Variants in ASB3 observed in about 807,000 individuals in gnomAD.
ASB3 encodes ankyrin repeat and SOCS box protein 3.
ASB3 carries 41 observed loss-of-function variants against 54.5 expected under a neutral mutation model. The observed-to-expected ratio is 0.75, with a 90% CI of 0.59 to 0.98. The LOEUF (loss-of-function observed/expected upper bound fraction) is 0.98. Among genes scored for constraint, ASB3 ranks in the 50% least tolerant of loss-of-function variants. ASB3 has a pLI of 0.00. For missense variants in ASB3, 733 were observed against 620.0 expected (o/e 1.18, Z -1.94); for synonymous variants, 266 against 221.2 (o/e 1.20, Z -1.80).
At chr2:53,717,140 C>T (rs1670442346) in intron 5 of ASB3, among the ~76,000 whole-genome samples, 1 of 152,154 alleles carries the variant, frequency 6.6e-6, no homozygotes, top group Admixed American at 6.5e-5. Context: ...AACAAAAATC[C>T]TATTCAATGA....
intron 9 of ASB3, among the ~76,000 whole-genome samples, chr2:53,677,704 T>G (rs1668152688): frequency 1.3e-5 from 2 of 152,200 alleles, no homozygotes; most frequent in Non-Finnish European, 2.9e-5. Flanking sequence ...GCCTTTATCA[T>G]TATGTTTAGT....
At position 53,734,717 on chromosome 2, in the gene ASB3, C is replaced by T. The variant is rs529939346; in HGVS notation, c.356-5147G>A. 2.6e-5 allele frequency among the ~76,000 whole-genome samples: 4 copies of T among 152,218 alleles called. No individual in the cohort carries two copies. In the East Asian group the frequency reaches 5.8e-4, roughly 22 times the overall value. On this transcript the variant is annotated intron_variant, in intron 3 of 9. Transcript: ENST00000263634. ...TGAACCTCCTATTCAGTTCCTACTGCCTCTGGCATTAAATTCCCCATATTT... is the reference window on the plus strand; with the variant it reads ...TGAACCTCCTATTCAGTTCCTACTGTCTCTGGCATTAAATTCCCCATATTT...
intron 2 of ASB3, among the ~76,000 whole-genome samples, chr2:53,761,304 C>A (rs913746280): frequency 6.6e-6 from 1 of 152,090 alleles, no homozygotes; most frequent in Non-Finnish European, 1.5e-5. Context: ...CGCCTGAGAG[C>A]ACAGAGGGAG....
chr2:53,701,764 T>C (rs1475644648), intron 7 of ASB3, among the ~76,000 whole-genome samples: 2 of 152,168 alleles, frequency 1.3e-5, no homozygotes, highest in Non-Finnish European at 2.9e-5. Flanking sequence ...TCAGAAGAGG[T>C]ACCTTTAAAA....
chr2:53,785,773 C>T (rs2692535), intron 1 of ASB3, among the ~76,000 whole-genome samples: 12,748 of 152,264 alleles, frequency 0.084, 602 homozygotes, highest in East Asian at 0.14. Context: ...ACTCCAGAGG[C>T]GGAGGTTGCA....
chr2:53,755,928 T>C (rs1034759354), intron 2 of ASB3, among the ~76,000 whole-genome samples: 2 of 151,098 alleles, frequency 1.3e-5, no homozygotes, highest in Non-Finnish European at 3.0e-5. Context: ...AAGGAAGGAG[T>C]ATCACTTGAG....
At chr2:53,715,317 G>A (rs1670325015) in intron 6 of ASB3, among the ~76,000 whole-genome samples, 1 of 152,080 alleles carries the variant, frequency 6.6e-6, no homozygotes, top group African/African-American at 2.4e-5. Context: ...TTAAAGCCAG[G>A]AAATTCCTTC....
At chr2:53,757,655 G>T (rs1489594202) in intron 2 of ASB3, among the ~76,000 whole-genome samples, 2 of 152,212 alleles carry the variant, frequency 1.3e-5, no homozygotes, top group Non-Finnish European at 2.9e-5. Flanking sequence ...ATCTAAGGAA[G>T]TTCTATGCTG....
chr2:53,774,650 C>A, intron 1 of ASB3: 2 of 672,152 alleles, frequency 3.0e-6, no homozygotes, highest in South Asian at 3.5e-5. Flanking sequence ...CTGGAAATGT[C>A]CTGAAACACA....
intron 9 of ASB3, among the ~76,000 whole-genome samples, chr2:53,692,405 C>G (rs1668964383): frequency 6.6e-6 from 1 of 152,078 alleles, no homozygotes. Context: ...GAGGGCTTGG[C>G]TAGAGAAACA....
At chr2:53,781,772 G>A (rs1186034594) in intron 1 of ASB3, among the ~76,000 whole-genome samples, 1 of 152,210 alleles carries the variant, frequency 6.6e-6, no homozygotes, top group Non-Finnish European at 1.5e-5. Context: ...TGGGATTACA[G>A]GCGTGAGCCA....
chr2:53,732,671 A>G (rs1374706123), intron 3 of ASB3, among the ~76,000 whole-genome samples: 2 of 152,246 alleles, frequency 1.3e-5, no homozygotes, highest in Non-Finnish European at 2.9e-5. Flanking sequence ...TAAATATATT[A>G]AGAAATCTGC....
At chr2:53,769,418 T>C (rs79224144) in intron 1 of ASB3, among the ~76,000 whole-genome samples, 4,785 of 152,368 alleles carry the variant, frequency 0.031, 108 homozygotes, top group East Asian at 0.091. Flanking sequence ...TGTATGTGGC[T>C]ATAACAACAT....
intron 9 of ASB3, among the ~76,000 whole-genome samples, chr2:53,675,186 G>C (rs1668021128): frequency 6.6e-6 from 1 of 152,118 alleles, no homozygotes; most frequent in Non-Finnish European, 1.5e-5. Context: ...TTCATAAAGT[G>C]AAACACCACA....
At chr2:53,706,632 A>G (rs556824405) in intron 7 of ASB3, among the ~76,000 whole-genome samples, 1 of 152,028 alleles carries the variant, frequency 6.6e-6, no homozygotes, top group Non-Finnish European at 1.5e-5. Flanking sequence ...TTTTTAGGAG[A>G]GACGGGGTTT....
chr2:53,743,119 T>C (rs1672023665), intron 3 of ASB3, among the ~76,000 whole-genome samples: 1 of 152,066 alleles, frequency 6.6e-6, no homozygotes, highest in Non-Finnish European at 1.5e-5. Context: ...AAACTGCTGT[T>C]CAAGTTTGAA....
chr2:53,755,916 C>A (rs538014198), intron 2 of ASB3, among the ~76,000 whole-genome samples: 2 of 151,956 alleles, frequency 1.3e-5, no homozygotes, highest in Non-Finnish European at 2.9e-5. Flanking sequence ...CTTTGGGAGG[C>A]CAAGGAAGGA....
intron 5 of ASB3, among the ~76,000 whole-genome samples, chr2:53,727,886 C>T (rs1021010969): frequency 6.6e-6 from 1 of 152,010 alleles, no homozygotes; most frequent in Non-Finnish European, 1.5e-5. Context: ...CCACCATGCC[C>T]AGCTAATTTT....
At chr2:53,748,096 G>T (rs189731638) in intron 3 of ASB3, among the ~76,000 whole-genome samples, 4 of 148,132 alleles carry the variant, frequency 2.7e-5, no homozygotes, top group Admixed American at 2.6e-4. Flanking sequence ...AATAGTACAT[G>T]TCTCAGAATC....
Sources: allele counts gnomAD v4.1 joint callset (sites outside exome capture counted in the v4.1 genomes callset), GRCh38; gene constraint gnomAD v4.1.1; transcripts MANE v1.5; gene names NCBI Gene and HGNC (gene_info 2026-07-23, HGNC 2026-07-21).